ATP13A5: variants seen among roughly 807,000 people sequenced by gnomAD.
ATP13A5 encodes the protein probable cation-transporting ATPase 13A5.
In ATP13A5, 149 loss-of-function variants were observed where a neutral mutation model predicts 150.2. The observed-to-expected ratio is 0.99, with a 90% CI of 0.87 to 1.14. ATP13A5 has a LOEUF of 1.14. Ranked by LOEUF, ATP13A5 falls within the 50% of genes most tolerant of loss-of-function variation. The pLI, the probability that ATP13A5 is intolerant of heterozygous loss-of-function variation, is 0.00. For missense variants in ATP13A5, 1,383 were observed against 1,449.3 expected (o/e 0.95, Z 0.74); for synonymous variants, 497 against 522.2 (o/e 0.95, Z 0.66).
intron 12 of ATP13A5, among the ~76,000 whole-genome samples, chr3:193,327,894 C>G (rs1719524986): frequency 1.3e-5 from 2 of 152,220 alleles, no homozygotes; most frequent in African/African-American, 4.8e-5. Flanking sequence ...CAGAGCTTTA[C>G]CAAGCATGGC....
At chr3:193,347,266 CT>C (rs1474464486) in intron 7 of ATP13A5, among the ~76,000 whole-genome samples, 1 of 64,148 alleles carries the variant, frequency 1.6e-5, no homozygotes, top group Non-Finnish European at 2.9e-5. Context: ...GTTGTAGGCA[CT>C]TGAATAACAG....
rs1296043596 is a variant in ATP13A5 at position 193,309,014 on chromosome 3, G to T, written c.2525+1624C>A. ...TAACAAAATCTAACAATAAAAGGGT[G>T]TCTCCTGATTTCACCAACAACTCAC... On this transcript the variant is annotated intron_variant, in intron 21 of 29. Transcript: ENST00000342358. Among the ~76,000 whole-genome samples, 4 of 152,264 alleles carry T rather than the reference G, an allele frequency of 2.6e-5. No homozygotes were observed. In the South Asian group the frequency reaches 8.3e-4, roughly 32 times the overall value.
At chr3:193,371,771 G>A (rs1713450182) in intron 1 of ATP13A5, among the ~76,000 whole-genome samples, 1 of 152,166 alleles carries the variant, frequency 6.6e-6, no homozygotes, top group Non-Finnish European at 1.5e-5. Flanking sequence ...GAAAGGCCCA[G>A]TCTCTTTTAA....
rs921812032 is a variant in ATP13A5, at chr3:193,325,010, G to A, written c.1528C>T (p.Gln510Ter). 2 of 1,610,030 alleles carry A rather than the reference G, an allele frequency of 1.2e-6. No individual in the cohort carries two copies. Among genetic ancestry groups the A allele is most frequent in the Non-Finnish European group, 1.7e-6 (2 of 1,178,340 alleles). Residue 510 changes from glutamine to a stop codon, truncating the protein, a stop_gained, in exon 14 of 30, where the codon CAG becomes TAG. Coordinates refer to ENST00000342358, the MANE Select transcript of ATP13A5 (RefSeq NM_198505.4). LOFTEE classifies it high-confidence loss of function. ...CCTGAGGCAAAGCTGTGGGCTTCCT[G>A]GAAGCTGGTAGAGAAGGTAATGTTA... ...GTVPTADNCF[Q>*]EAHSFASGQA...
chr3:193,307,316 T>A lies in ATP13A5; in HGVS notation c.2568+11A>T, dbSNP rs775539503. 6 of 1,613,664 alleles carry A rather than the reference T, an allele frequency of 3.7e-6. No individual in the cohort carries two copies. Among genetic ancestry groups the A allele is most frequent in the Non-Finnish European group, 5.1e-6 (6 of 1,179,862 alleles). Reference sequence around the variant, plus strand: ...GAGTGGCTTGTCTGAGCAAAAGCCATTTCTACTCACCCCACAGTCGTTAGC... The same window carrying A: ...GAGTGGCTTGTCTGAGCAAAAGCCAATTCTACTCACCCCACAGTCGTTAGC... On this transcript the variant is annotated intron_variant, in intron 22 of 29. Coordinates refer to ENST00000342358, the MANE Select transcript of ATP13A5 (RefSeq NM_198505.4).
chr3:193,340,970 C>G (rs776108808), intron 9 of ATP13A5, among the ~76,000 whole-genome samples: 1 of 152,166 alleles, frequency 6.6e-6, no homozygotes, highest in African/African-American at 2.4e-5. Context: ...AAATCCAAAT[C>G]TCAGCTGTGC....
At position 193,334,800 on chromosome 3, in the gene ATP13A5, CTGTT is replaced by C. The variant is rs1306301053; in HGVS notation, c.1114+125_1114+128del. 1.4e-5 allele frequency: 11 copies of C among 777,796 alleles called. No individual in the cohort carries two copies. The East Asian group carries it at 2.6e-4, about 19-fold the overall frequency. The allele number at this position is 777,796 out of a possible 1,614,324, so 48.2% of individuals were successfully genotyped here. ...AGTGACACTTTAGAATAATAAGTGT[CTGTT>C]TGGAAAAAAGCATGTTGTTACTACC... On this transcript the variant is annotated intron_variant, in intron 10 of 29. Transcript: ENST00000342358.
intron 23 of ATP13A5, among the ~76,000 whole-genome samples, chr3:193,301,911 G>A (rs781376816): frequency 2.0e-5 from 3 of 152,130 alleles, no homozygotes; most frequent in Admixed American, 6.6e-5. Context: ...AGATCAAGAC[G>A]ACAGTAAAAA....
chr3:193,299,570 G>A (rs1312324122), intron 24 of ATP13A5, among the ~76,000 whole-genome samples: 7 of 152,088 alleles, frequency 4.6e-5, no homozygotes, highest in Admixed American at 6.6e-5. Context: ...AAGTGAAGGC[G>A]CAATTCATTC....
At chr3:193,351,438 ATT>A (rs1217474732) in intron 6 of ATP13A5, among the ~76,000 whole-genome samples, 4 of 152,192 alleles carry the variant, frequency 2.6e-5, no homozygotes, top group Non-Finnish European at 5.9e-5. Flanking sequence ...CAAGTTGATC[ATT>A]CTTATTCATT....
chr3:193,372,472 G>A (rs1238878369), intron 1 of ATP13A5, among the ~76,000 whole-genome samples: 4 of 151,952 alleles, frequency 2.6e-5, no homozygotes, highest in South Asian at 2.1e-4. Flanking sequence ...CTTACGATAT[G>A]CAGATATTCC....
At chr3:193,352,669 G>A (rs573014877) in intron 6 of ATP13A5, among the ~76,000 whole-genome samples, 1 of 152,142 alleles carries the variant, frequency 6.6e-6, no homozygotes, top group South Asian at 2.1e-4. Context: ...TGTGGAGGCA[G>A]GACGTATATG....
intron 5 of ATP13A5, among the ~76,000 whole-genome samples, chr3:193,360,745 C>T (rs1297349735): frequency 6.6e-6 from 1 of 152,102 alleles, no homozygotes; most frequent in Non-Finnish European, 1.5e-5. Context: ...GGCATGATCT[C>T]AGCTCTCTGC....
Position 193,335,008 on chromosome 3 carries a change from G to T in ATP13A5, c.1035C>A (p.His345Gln). Residue 345 changes from histidine (H) to glutamine (Q), a missense_variant, in exon 10 of 30, where the codon CAC becomes CAA. By Grantham distance (24) the His-to-Gln change is conservative (BLOSUM62 0). Transcript: ENST00000342358. ...TAACTTCTGTTCCACAGAAAAGGAC[G>T]TGTTTCCTATAATCCTCCAAACTGT... ...KCHSLEDYRK[H>Q]VLFCGTEVIQ... 1 of 1,613,922 alleles carries T rather than the reference G, an allele frequency of 6.2e-7. No homozygotes were observed. Among genetic ancestry groups the T allele is most frequent in the Non-Finnish European group, 8.5e-7 (1 of 1,179,818 alleles).
chr3:193,313,928 G>T, intron 19 of ATP13A5, 105 bp downstream of exon 19: 2 of 1,283,492 alleles, frequency 1.6e-6, no homozygotes, highest in Non-Finnish European at 1.1e-6. Flanking sequence ...CAGATGTGAG[G>T]GATTATTACT....
rs761008709 is a variant in ATP13A5 at position 193,343,943 on chromosome 3, A to G, written c.927T>C (p.Asn309=). 51 of 1,612,978 alleles carry G rather than the reference A, an allele frequency of 3.2e-5. No individual in the cohort carries two copies. Among genetic ancestry groups the G allele is most frequent in the Middle Eastern group, 3.3e-4 (2 of 6,070 alleles). ...AVLIDGSCVV[N]EGMLTGESIP... ...ACTGCCTACCTGTAAGCATGCCTTCATTCACCACGCAGCTTCCATCAATCA... is the reference window on the plus strand; with the variant it reads ...ACTGCCTACCTGTAAGCATGCCTTCGTTCACCACGCAGCTTCCATCAATCA... The change falls in exon 9 of 30, where the codon AAT becomes AAC. Residue 309 remains asparagine (N), a synonymous_variant. Transcript: ENST00000342358.
chr3:193,311,682 G>A (rs570048074), intron 20 of ATP13A5, 134 bp downstream of exon 20: 1 of 1,268,706 alleles, frequency 7.9e-7, no homozygotes, highest in Admixed American at 2.7e-5. Flanking sequence ...TTTTTCAGGA[G>A]CAGTACTCCT....
chr3:193,369,984 A>C (rs1713386148), intron 1 of ATP13A5, among the ~76,000 whole-genome samples: 1 of 152,174 alleles, frequency 6.6e-6, no homozygotes, highest in Non-Finnish European at 1.5e-5. Flanking sequence ...CTGGATCAAG[A>C]CCGGTAATAG....
Position 193,354,181 on chromosome 3 carries a change from C to A in ATP13A5, c.552G>T (p.Gly184=). ...EEQEVRRLVC[G]PNAIEVEIQP... ...GGATTTCAACCTCAATGGCGTTGGGCCCACACACTAATCTTCTGCGGGAAA... is the reference window on the plus strand; with the variant it reads ...GGATTTCAACCTCAATGGCGTTGGGACCACACACTAATCTTCTGCGGGAAA... The change falls in exon 6 of 30, where the codon GGG becomes GGT. Residue 184 remains glycine, a synonymous_variant. Coordinates refer to ENST00000342358, the MANE Select transcript of ATP13A5 (RefSeq NM_198505.4). 1 of 1,612,404 alleles carries A rather than the reference C, an allele frequency of 6.2e-7. No homozygotes were observed.
Sources: allele counts gnomAD v4.1 joint callset (sites outside exome capture counted in the v4.1 genomes callset), GRCh38; gene constraint gnomAD v4.1.1; transcripts MANE v1.5; gene names NCBI Gene and HGNC (gene_info 2026-07-23, HGNC 2026-07-21).